PDE10A: variants seen among roughly 807,000 people sequenced by gnomAD.
The protein encoded by PDE10A is cAMP and cAMP-inhibited cGMP 3',5'-cyclic phosphodiesterase 10A.
In PDE10A, 39 loss-of-function variants were observed where a neutral mutation model predicts 97.7. The observed-to-expected ratio is 0.40, with a 90% CI of 0.31 to 0.52. The LOEUF (loss-of-function observed/expected upper bound fraction) is 0.52, where lower values mean the gene tolerates loss of function less well. PDE10A is among the 20% of genes least tolerant of loss of function. The pLI is 0.56. For missense variants in PDE10A, 731 were observed against 1,047.8 expected (o/e 0.70, Z 4.17); for synonymous variants, 371 against 376.8 (o/e 0.98, Z 0.18).
intron 1 of PDE10A, among the ~76,000 whole-genome samples, chr6:165,674,304 C>T (rs780739053): frequency 6.7e-6 from 1 of 150,364 alleles, no homozygotes; most frequent in East Asian, 2.0e-4. Context: ...TGGTCCCTGG[C>T]GTGCAGCAGG....
intron 1 of PDE10A, among the ~76,000 whole-genome samples, chr6:165,806,230 C>A (rs376965252): frequency 3.3e-5 from 5 of 152,004 alleles, no homozygotes; most frequent in African/African-American, 1.2e-4. Context: ...AAGGCAAACT[C>A]TTCATCTTGG....
At chr6:165,958,007 A>G (rs1784190116) in intron 1 of PDE10A, among the ~76,000 whole-genome samples, 1 of 152,186 alleles carries the variant, frequency 6.6e-6, no homozygotes, top group African/African-American at 2.4e-5. Flanking sequence ...GCATGATCGT[A>G]ACGGTCTTTC....
In PDE10A at chr6:165,418,704, T is replaced by A; in HGVS notation, c.1727A>T (p.Tyr576Phe). Residue 576 changes from tyrosine to phenylalanine, a missense_variant, in exon 11 of 22, where the codon TAT (tyrosine) becomes TTT (phenylalanine). Tyr to Phe is a conservative substitution (Grantham distance 22). Coordinates refer to ENST00000539869, the MANE Select transcript of PDE10A (RefSeq NM_001385079.1). The surrounding 1 kb of genome is among the most constrained non-coding windows in gnomAD (Gnocchi z 4.8). ...CTCTCCAATATCAAAAAGGTCTGAA[T>A]ATAACTCCTTGTTCTTATGGTCCAC... is the stretch of plus-strand genomic sequence containing the variant. ...FQVDHKNKEL[Y>F]SDLFDIGEEK... 1 of 1,613,778 alleles carries A rather than the reference T, an allele frequency of 6.2e-7. No individual in the cohort carries two copies. The highest frequency in any genetic ancestry group is 8.5e-7 in the Non-Finnish European group (1 of 1,179,780).
chr6:165,453,426 A>C (rs1777756020), intron 3 of PDE10A, among the ~76,000 whole-genome samples: 1 of 152,232 alleles, frequency 6.6e-6, no homozygotes, highest in African/African-American at 2.4e-5. Flanking sequence ...CAATGGGAGA[A>C]AGACCATAAA....
At chr6:165,409,164 CAAAA>C (rs61455081) in intron 13 of PDE10A, among the ~76,000 whole-genome samples, 12 of 108,096 alleles carry the variant, frequency 1.1e-4, no homozygotes, top group Non-Finnish European at 1.1e-4. Context: ...GACTCCATCT[CAAAA>C]AAAAAAAAAA....
intron 1 of PDE10A, among the ~76,000 whole-genome samples, chr6:165,656,578 A>G (rs1170598653): frequency 6.6e-6 from 1 of 151,948 alleles, no homozygotes; most frequent in African/African-American, 2.4e-5. Flanking sequence ...CTGAGGGGTC[A>G]TTGTAAAGTA....
At chr6:165,790,601 T>C (rs1778620209) in intron 1 of PDE10A, among the ~76,000 whole-genome samples, 1 of 152,142 alleles carries the variant, frequency 6.6e-6, no homozygotes. Context: ...CATGGCTCAT[T>C]CTGACACTGG....
chr6:165,975,471 C>G (rs1429884373), intron 1 of PDE10A, among the ~76,000 whole-genome samples: 1 of 152,162 alleles, frequency 6.6e-6, no homozygotes, highest in African/African-American at 2.4e-5. Flanking sequence ...AGAACTCAAT[C>G]ATTCAGTCAC....
intron 18 of PDE10A, among the ~76,000 whole-genome samples, chr6:165,353,725 C>A (rs529562565): frequency 2.6e-5 from 4 of 151,998 alleles, no homozygotes; most frequent in Non-Finnish European, 5.9e-5. Context: ...CCAGGAGTTG[C>A]GGAGAGTGAG....
intron 1 of PDE10A, among the ~76,000 whole-genome samples, chr6:165,950,865 A>G (rs1783933607): frequency 6.6e-6 from 1 of 152,232 alleles, no homozygotes; most frequent in African/African-American, 2.4e-5. Context: ...AAATTAATAA[A>G]GTAATGTAAA....
At chr6:165,717,103 T>C (rs1338184299) in intron 1 of PDE10A, among the ~76,000 whole-genome samples, 2 of 152,250 alleles carry the variant, frequency 1.3e-5, no homozygotes, top group Non-Finnish European at 2.9e-5. Flanking sequence ...TTGTTTTTTA[T>C]GTGACTGATT....
rs566132993 is a variant in PDE10A, at chr6:165,654,907, A to G, written c.865+7040T>C. Reference sequence around the variant, plus strand: ...CCATCTCAGGATCTTGCCGGGTCACACCTCTCCAGGGTGCTCCATGGCTCT... The same window carrying G: ...CCATCTCAGGATCTTGCCGGGTCACGCCTCTCCAGGGTGCTCCATGGCTCT... On this transcript the variant is annotated intron_variant, in intron 1 of 21. Coordinates refer to ENST00000539869, the MANE Select transcript of PDE10A (RefSeq NM_001385079.1). Among the ~76,000 whole-genome samples the G allele has an allele frequency of 4.6e-5, 7 of 151,948 alleles. No individual in the cohort carries two copies. The South Asian group carries it at 1.5e-3, about 32-fold the overall frequency.
intron 1 of PDE10A, among the ~76,000 whole-genome samples, chr6:165,599,339 C>T (rs563953427): frequency 5.9e-5 from 9 of 152,346 alleles, no homozygotes; most frequent in East Asian, 3.9e-4. Context: ...CTCACTCCCT[C>T]GCAATAGGTA....
chr6:165,610,547 AAAG>A (rs1787445231), intron 1 of PDE10A, among the ~76,000 whole-genome samples: 2 of 151,838 alleles, frequency 1.3e-5, no homozygotes, highest in African/African-American at 4.8e-5. Context: ...AAAAAAAAAA[AAAG>A]AAAGAAATGG....
At chr6:165,703,388 G>T (rs1350968682) in intron 1 of PDE10A, among the ~76,000 whole-genome samples, 2 of 152,168 alleles carry the variant, frequency 1.3e-5, no homozygotes, top group Non-Finnish European at 2.9e-5. Flanking sequence ...TTGTAAAAGG[G>T]TTTTGTAAGT....
intron 1 of PDE10A, among the ~76,000 whole-genome samples, chr6:165,681,648 T>C (rs957914053): frequency 1.3e-5 from 2 of 152,226 alleles, no homozygotes; most frequent in Non-Finnish European, 2.9e-5. Flanking sequence ...ATATAGTTTT[T>C]TCCTTTTTCT....
At chr6:165,987,976 C>T (rs866098030), upstream of PDE10A, 33 of 367,158 alleles carry the variant, frequency 9.0e-5, no homozygotes, top group Middle Eastern at 3.8e-4. Context: ...TGTGTGCGTG[C>T]GTGTGTGTGT....
intron 1 of PDE10A, among the ~76,000 whole-genome samples, chr6:165,754,985 T>C (rs982861713): frequency 2.2e-4 from 34 of 152,152 alleles, no homozygotes; most frequent in African/African-American, 7.7e-4. Context: ...TGAGATATTA[T>C]AAAAATAGGT....
At chr6:165,486,715 T>C (rs1779945176) in intron 2 of PDE10A, among the ~76,000 whole-genome samples, 1 of 152,100 alleles carries the variant, frequency 6.6e-6, no homozygotes, top group Non-Finnish European at 1.5e-5. Context: ...AGATGTCTTT[T>C]AGAAAAAAAG....
Sources: allele counts gnomAD v4.1 joint callset (sites outside exome capture counted in the v4.1 genomes callset), GRCh38; gene constraint gnomAD v4.1.1; non-coding constraint Gnocchi (gnomAD v3.1); transcripts MANE v1.5; gene names NCBI Gene and HGNC (gene_info 2026-07-23, HGNC 2026-07-21).